The following PTPN14 variants were observed in gnomAD, a reference collection of about 807,000 sequenced individuals.
PTPN14 encodes protein tyrosine phosphatase non-receptor type 14.
PTPN14 carries 53 observed loss-of-function variants against 126.8 expected under a neutral mutation model. The ratio of observed to expected loss-of-function variants is 0.42; its 90% CI spans 0.34 to 0.53. The LOEUF (loss-of-function observed/expected upper bound fraction) is 0.53, where lower values mean the gene tolerates loss of function less well. PTPN14 is among the 20% of genes least tolerant of loss of function. The probability of loss-of-function intolerance (pLI) is 0.08; values close to 1 mark genes in which losing one functional copy is unlikely to be tolerated. For missense variants in PTPN14, 1,257 were observed against 1,552.9 expected (o/e 0.81, Z 3.20); for synonymous variants, 630 against 599.3 (o/e 1.05, Z -0.75).
At chr1:214,420,834 C>G (rs1304691405) in intron 3 of PTPN14, among the ~76,000 whole-genome samples, 2 of 152,240 alleles carry the variant, frequency 1.3e-5, no homozygotes, top group Non-Finnish European at 2.9e-5. Context: ...CGACATGGTT[C>G]CCTGCTGAGG....
chr1:214,425,143 G>A (rs1271378175), intron 3 of PTPN14, among the ~76,000 whole-genome samples: 1 of 152,108 alleles, frequency 6.6e-6, no homozygotes, highest in African/African-American at 2.4e-5. Context: ...GAAGTACCTT[G>A]AAGGCGGGAA....
At chr1:214,487,900 A>C (rs907669605) in intron 1 of PTPN14, among the ~76,000 whole-genome samples, 10 of 152,206 alleles carry the variant, frequency 6.6e-5, no homozygotes, top group African/African-American at 2.4e-4. Flanking sequence ...AGAGAGAAGG[A>C]GGACCAAGCA....
At chr1:214,390,845 C>T (rs765968228) in intron 11 of PTPN14, 143 bp downstream of exon 11, 28 of 584,960 alleles carry the variant, frequency 4.8e-5, no homozygotes, top group Non-Finnish European at 7.3e-5. Flanking sequence ...GGGTGTCCAT[C>T]GCATCTGCTT....
At chr1:214,441,837 G>C (rs972414356) in intron 3 of PTPN14, among the ~76,000 whole-genome samples, 8 of 152,136 alleles carry the variant, frequency 5.3e-5, no homozygotes, top group African/African-American at 7.2e-5. Context: ...TTTAGAAAAA[G>C]TAGACTATTT....
chr1:214,423,706 C>T lies in PTPN14; in HGVS notation c.345-8980G>A, dbSNP rs528494270. 5.3e-5 allele frequency among the ~76,000 whole-genome samples: 8 copies of T among 152,106 alleles called. No individual in the cohort carries two copies. In the South Asian group the frequency reaches 6.2e-4, roughly 12 times the overall value. On this transcript the variant is annotated intron_variant, in intron 3 of 18. Transcript: ENST00000366956. The stretch of plus-strand genomic sequence containing the variant: ...TAAAAATATCTGAGTACCTGCAGGG[C>T]GTTGTGGCTCATGCCTGTAAACCCA...
chr1:214,370,749 G>T (rs78540620), intron 16 of PTPN14, among the ~76,000 whole-genome samples: 3,715 of 152,218 alleles, frequency 0.024, 71 homozygotes, highest in Non-Finnish European at 0.039. Flanking sequence ...TCTGGAGAAG[G>T]GGCGGAGTGT....
intron 2 of PTPN14, among the ~76,000 whole-genome samples, chr1:214,461,363 T>C (rs911167910): frequency 2.0e-5 from 3 of 152,180 alleles, no homozygotes; most frequent in Admixed American, 6.5e-5. Context: ...CTGAGCACAG[T>C]GTCTCACATC....
chr1:214,350,059 C>G lies in PTPN14; in HGVS notation c.*7863G>C, dbSNP rs572205520. ...TCTTTTCAGCTTTATCCTCTAAAAC[C>G]TTTTGTCAGATGAGATAGCATTTGT... is the stretch of plus-strand genomic sequence containing the variant. On this transcript the variant is annotated 3_prime_UTR_variant, in exon 19 of 19. Transcript: ENST00000366956. The G allele has an allele frequency of 6.6e-6, 1 of 152,162 alleles. No homozygotes were observed. The highest frequency in any genetic ancestry group is 2.4e-5 in the African/African-American group (1 of 41,440). The allele number at this position is 152,162 out of a possible 1,614,324, so 9.4% of individuals were successfully genotyped here. A position where few individuals can be genotyped will look rare whatever the true frequency, so the allele number is the denominator to read the frequency against.
chr1:214,533,705 C>G (rs370271307), intron 1 of PTPN14, among the ~76,000 whole-genome samples: 1 of 151,744 alleles, frequency 6.6e-6, no homozygotes. Flanking sequence ...GGCGTGGTGG[C>G]GGGCGCCTGT....
intron 3 of PTPN14, among the ~76,000 whole-genome samples, chr1:214,450,274 C>T (rs981049419): frequency 6.6e-6 from 1 of 151,780 alleles, no homozygotes; most frequent in Non-Finnish European, 1.5e-5. Flanking sequence ...GAGTTCGAGA[C>T]CAGCCTGGCC....
intron 1 of PTPN14, among the ~76,000 whole-genome samples, chr1:214,485,870 C>T (rs1384024120): frequency 1.3e-5 from 2 of 152,044 alleles, no homozygotes; most frequent in African/African-American, 4.8e-5. Flanking sequence ...GGACTACAGG[C>T]GCCCGCCGCC....
At chr1:214,430,117 T>G (rs1164127225) in intron 3 of PTPN14, among the ~76,000 whole-genome samples, 1 of 152,202 alleles carries the variant, frequency 6.6e-6, no homozygotes, top group African/African-American at 2.4e-5. Flanking sequence ...TCCTACCACA[T>G]TCTAGGTATC....
chr1:214,455,552 C>T (rs1660363284), intron 2 of PTPN14, among the ~76,000 whole-genome samples: 1 of 152,126 alleles, frequency 6.6e-6, no homozygotes, highest in African/African-American at 2.4e-5. Flanking sequence ...GCTCTGGTGC[C>T]ATGAGTTCTG....
chr1:214,411,725 C>A lies in PTPN14; in HGVS notation c.469G>T (p.Asp157Tyr). 1 of 1,512,900 alleles carries A rather than the reference C, an allele frequency of 6.6e-7. No individual in the cohort carries two copies. Among genetic ancestry groups the A allele is most frequent in the South Asian group, 1.2e-5 (1 of 86,058 alleles). The allele number at this position is 1,512,900 out of a possible 1,614,324, so 93.7% of individuals were successfully genotyped here. The change falls in exon 5 of 19, where the codon GAT becomes TAT. Residue 157 changes from aspartate to tyrosine, a missense_variant. Transcript: ENST00000366956. ...QADFGDYNQF[D>Y]SQDFLREYVL... Reference sequence around the variant, plus strand: ...TACTCTCTGAGGAAATCTTGAGAATCAAACTGATTATAGTCTCCAAAATCA... The same window carrying A: ...TACTCTCTGAGGAAATCTTGAGAATAAAACTGATTATAGTCTCCAAAATCA...
chr1:214,547,784 T>A (rs1290780680), intron 1 of PTPN14, among the ~76,000 whole-genome samples: 1 of 152,168 alleles, frequency 6.6e-6, no homozygotes, highest in Non-Finnish European at 1.5e-5. Flanking sequence ...TCTGCCCTTC[T>A]AATCTCTCAG....
At chr1:214,496,679 T>G (rs1654524839) in intron 1 of PTPN14, among the ~76,000 whole-genome samples, 2 of 152,328 alleles carry the variant, frequency 1.3e-5, no homozygotes, top group South Asian at 4.1e-4. Context: ...GAGAACACTA[T>G]TAGAAACTAA....
intron 3 of PTPN14, among the ~76,000 whole-genome samples, chr1:214,451,283 C>A (rs77923920): frequency 0.058 from 8,832 of 152,114 alleles, 309 homozygotes; most frequent in South Asian, 0.15. Flanking sequence ...ACCTCAGTGT[C>A]CCGAGGAGCT....
chr1:214,507,815 T>C (rs1027427277), intron 1 of PTPN14, among the ~76,000 whole-genome samples: 2 of 152,166 alleles, frequency 1.3e-5, no homozygotes, highest in Non-Finnish European at 2.9e-5. Flanking sequence ...AAAAGCATCA[T>C]GTCTAAAAAG....
At chr1:214,449,619 C>T (rs1323670442) in intron 3 of PTPN14, among the ~76,000 whole-genome samples, 4 of 152,096 alleles carry the variant, frequency 2.6e-5, no homozygotes, top group East Asian at 1.9e-4. Context: ...CAAAAGCCAA[C>T]GGAAATCATC....
Sources: gnomAD v4.1 joint callset for allele counts (sites outside exome capture counted in the v4.1 genomes callset) on GRCh38, gnomAD v4.1.1 for gene constraint, MANE v1.5 for transcripts, NCBI Gene and HGNC (gene_info 2026-07-23, HGNC 2026-07-21) for gene names.